The following LAMB4 variants were observed in gnomAD, a reference collection of about 807,000 sequenced individuals.
LAMB4 encodes the protein laminin subunit beta 4.
Under a neutral mutation model 199.2 loss-of-function variants are expected in LAMB4, and 196 were observed. That is an observed-to-expected ratio of 0.98 (90% CI 0.88 to 1.11). LAMB4 has a LOEUF of 1.11. LAMB4 is among the 50% of genes least tolerant of loss of function. LAMB4 has a pLI of 0.00. For missense variants in LAMB4, 2,080 were observed against 2,171.2 expected (o/e 0.96, Z 0.83); for synonymous variants, 744 against 770.6 (o/e 0.97, Z 0.57).
Position 108,066,056 on chromosome 7 carries a change from CGACTTTTGGTTTTTATAT to C in LAMB4, c.2679-155_2679-138del, listed in dbSNP as rs764516423. Reference sequence around the variant, plus strand: ...GAAGATGTTCATTTGCTCTGCAAAACGACTTTTGGTTTTTATATCAAAAGTCTCAACGTATGGTCAATT... The same window carrying C: ...GAAGATGTTCATTTGCTCTGCAAAACCAAAAGTCTCAACGTATGGTCAATT... On this transcript the variant is annotated intron_variant, in intron 20 of 33. Transcript: ENST00000388781. 4.7e-3 allele frequency: 4,124 copies of C among 880,686 alleles called. 105 individuals are homozygous for C. In the African/African-American group the frequency reaches 0.058, roughly 12 times the overall value. 54.6% of individuals were successfully genotyped at this position (880,686 alleles called of 1,614,324 possible).
At position 108,069,777 on chromosome 7, in the gene LAMB4, G is replaced by C. The variant is rs530831956; in HGVS notation, c.2233C>G (p.Gln745Glu). 4.3e-6 allele frequency: 7 copies of C among 1,614,058 alleles called. No homozygotes were observed. The African/African-American group carries it at 5.3e-5, about 12-fold the overall frequency. The change falls in exon 18 of 34, where the codon CAA becomes GAA. Residue 745 changes from glutamine to glutamate, a missense_variant. Physicochemically the swap from Gln to Glu is conservative, Grantham distance 29. Transcript: ENST00000388781. ...CTTTCACAGGCACCCGGGAGCACTT[G>C]AGGTCCCATTGCTGAGGCAATTTCA... ...CVEIASAMGP[Q>E]VLPGACERLI...
intron 26 of LAMB4, among the ~76,000 whole-genome samples, chr7:108,049,926 C>G (rs115111019): frequency 3.0e-3 from 453 of 152,278 alleles, no homozygotes; most frequent in African/African-American, 9.8e-3. Context: ...AAGATATTAA[C>G]TATGAATACC....
At chr7:108,069,366 A>C (rs187185040) in intron 18 of LAMB4, among the ~76,000 whole-genome samples, 5 of 152,332 alleles carry the variant, frequency 3.3e-5, no homozygotes. Flanking sequence ...TGGGCAAGTT[A>C]CATACAGATT....
chr7:108,040,129 G>C (rs1265954895), intron 29 of LAMB4, among the ~76,000 whole-genome samples: 1 of 152,120 alleles, frequency 6.6e-6, no homozygotes, highest in Non-Finnish European at 1.5e-5. Flanking sequence ...GTCAAGCCAA[G>C]AGCCAAGCCA....
chr7:108,106,319 G>A (rs1433487612), intron 7 of LAMB4, among the ~76,000 whole-genome samples, 190 bp downstream of exon 7: 2 of 151,982 alleles, frequency 1.3e-5, no homozygotes, highest in Non-Finnish European at 1.5e-5. Flanking sequence ...TTGGGAGGCC[G>A]AGGAACAAGA....
chr7:108,084,508 G>C (rs921908702), intron 14 of LAMB4, among the ~76,000 whole-genome samples: 2 of 152,092 alleles, frequency 1.3e-5, no homozygotes, highest in African/African-American at 4.8e-5. Flanking sequence ...GCATGCACGT[G>C]AGCAGAAGAG....
chr7:108,059,676 C>T (rs1028020070), intron 23 of LAMB4, among the ~76,000 whole-genome samples: 12 of 152,130 alleles, frequency 7.9e-5, no homozygotes, highest in Non-Finnish European at 1.0e-4. Flanking sequence ...CCTGTTCAGG[C>T]GTCGCTTCTT....
At chr7:108,022,916 T>C (rs2034721563), downstream of LAMB4, among the ~76,000 whole-genome samples, 1 of 152,120 alleles carries the variant, frequency 6.6e-6, no homozygotes, top group East Asian at 1.9e-4. Flanking sequence ...GGATTTAAGC[T>C]ATTCTCCTAC....
At chr7:108,034,039 G>A (rs562910313) in intron 31 of LAMB4, among the ~76,000 whole-genome samples, 169 bp downstream of exon 31, 2 of 152,044 alleles carry the variant, frequency 1.3e-5, no homozygotes, top group South Asian at 2.1e-4. Context: ...ACGGTGAGAC[G>A]TGCTCTGTAG....
At chr7:108,067,574 C>T (rs531320412) in intron 19 of LAMB4, among the ~76,000 whole-genome samples, 28 of 152,350 alleles carry the variant, frequency 1.8e-4, no homozygotes, top group Admixed American at 3.9e-4. Flanking sequence ...GTGATATCCT[C>T]ATTGGGAGAA....
intron 3 of LAMB4, 47 bp downstream of exon 3, chr7:108,115,957 T>C (rs1016206065): frequency 1.3e-6 from 2 of 1,584,608 alleles, no homozygotes; most frequent in African/African-American, 1.4e-5. Flanking sequence ...AAAATCTACA[T>C]CATTGATTAA....
At position 108,034,211 on chromosome 7, in the gene LAMB4, C is replaced by T. The variant is rs2035145251; in HGVS notation, c.4815G>A (p.Leu1605=). 10 of 1,614,024 alleles carry T rather than the reference C, an allele frequency of 6.2e-6. No individual in the cohort carries two copies. In the East Asian group the frequency reaches 2.2e-4, roughly 36 times the overall value. ...TAGTTTCAAAGAAGACAAATACCTG[C>T]AGCACATTCTTTTTTATTTTTGTTA... ...ANITKIKKNV[L]QAENQTREMK... is the part of the protein sequence containing the mutation. Residue 1605 remains leucine (L), a synonymous_variant, in exon 31 of 34, where the codon CTG becomes CTA. Coordinates refer to ENST00000388781, the MANE Select transcript of LAMB4 (RefSeq NM_007356.3).
chr7:108,030,965 G>A lies in LAMB4; in HGVS notation c.4833C>T (p.Thr1611=). The change falls in exon 32 of 34, where the codon ACC becomes ACT. Residue 1611 remains threonine (T), a synonymous_variant. Coordinates refer to ENST00000388781, the MANE Select transcript of LAMB4 (RefSeq NM_007356.3). ...ACTCCAGCTCACTCTTCATTTCCCT[G>A]GTTTGATTTTCAGCCTGTTGTTGAT... ...KKNVLQAENQ[T]REMKSELELA... 6.2e-7 allele frequency: 1 copy of A among 1,611,306 alleles called. No homozygotes were observed. Among genetic ancestry groups the A allele is most frequent in the Non-Finnish European group, 8.5e-7 (1 of 1,178,770 alleles).
intron 14 of LAMB4, among the ~76,000 whole-genome samples, chr7:108,088,740 C>T (rs569223899): frequency 6.6e-6 from 1 of 152,080 alleles, no homozygotes; most frequent in African/African-American, 2.4e-5. Context: ...GTAGTCTGTC[C>T]AGAAATGGGC....
intron 14 of LAMB4, among the ~76,000 whole-genome samples, chr7:108,089,414 T>C (rs13240935): frequency 1.3e-5 from 2 of 152,234 alleles, no homozygotes; most frequent in South Asian, 4.1e-4. Context: ...CTCTGAATTG[T>C]TATTTATAAC....
At chr7:108,091,896 T>C (rs1474842589) in intron 13 of LAMB4, 120 bp from the exon 14 acceptor site, 3 of 955,856 alleles carry the variant, frequency 3.1e-6, no homozygotes, top group Admixed American at 2.4e-5. Flanking sequence ...AGTCAATCAA[T>C]GGTCCTGTGG....
intron 14 of LAMB4, among the ~76,000 whole-genome samples, chr7:108,087,729 G>C (rs1043609557): frequency 8.0e-6 from 1 of 125,182 alleles, no homozygotes; most frequent in Admixed American, 8.7e-5. Flanking sequence ...CCACTCCTCA[G>C]CATTTACCTC....
At chr7:108,053,445 C>G (rs1404734228) in intron 25 of LAMB4, among the ~76,000 whole-genome samples, 1 of 152,142 alleles carries the variant, frequency 6.6e-6, no homozygotes, top group African/African-American at 2.4e-5. Flanking sequence ...CAGGCCCTGT[C>G]CAGGGTGCCC....
At chr7:108,091,559 T>A in intron 14 of LAMB4, 67 bp downstream of exon 14, 1 of 1,517,720 alleles carries the variant, frequency 6.6e-7, no homozygotes, top group Non-Finnish European at 8.9e-7. Context: ...ATCTCAAGTA[T>A]GTGCTCTGTG....
Sources: allele counts gnomAD v4.1 joint callset (sites outside exome capture counted in the v4.1 genomes callset), GRCh38; gene constraint gnomAD v4.1.1; transcripts MANE v1.5; gene names NCBI Gene and HGNC (gene_info 2026-07-23, HGNC 2026-07-21).